The following HPR variants were observed in gnomAD, a reference collection of about 807,000 sequenced individuals.
HPR encodes Haptoglobin-related locus.
HPR carries 17 observed loss-of-function variants against 18.5 expected under a neutral mutation model. The observed-to-expected ratio is 0.92, with a 90% CI of 0.63 to 1.38. HPR has a LOEUF of 1.38. Among genes scored for constraint, HPR ranks in the 40% most tolerant of loss-of-function variants. The pLI is 0.00. For missense variants in HPR, 457 were observed against 432.4 expected, an observed-to-expected ratio of 1.06 and a Z score of -0.51; for synonymous variants, 176 against 165.0, an observed-to-expected ratio of 1.07 and a Z score of -0.51.
intron 3 of HPR, chr16:72,074,790 T>C: frequency 1.5e-6 from 1 of 659,790 alleles, no homozygotes; most frequent in African/African-American, 1.8e-5. Context: ...TAGAGGTTAT[T>C]ATTCTCACTT....
At chr16:72,076,023 A>G (rs536749248) in intron 4 of HPR, among the ~76,000 whole-genome samples, 28 of 152,100 alleles carry the variant, frequency 1.8e-4, no homozygotes, top group African/African-American at 6.3e-4. Context: ...TCCTTTGTTG[A>G]GATAATTGTT....
At chr16:72,064,423 C>T (rs1201577807) in intron 1 of HPR, among the ~76,000 whole-genome samples, 1 of 152,160 alleles carries the variant, frequency 6.6e-6, no homozygotes, top group African/African-American at 2.4e-5. Context: ...ATACAGCCCA[C>T]ATTCCACATC....
chr16:72,067,771 A>G (rs926249010), intron 1 of HPR, among the ~76,000 whole-genome samples: 1 of 152,100 alleles, frequency 6.6e-6, no homozygotes, highest in African/African-American at 2.4e-5. Context: ...TAACACCCCA[A>G]TACTGCCTGT....
At chr16:72,065,339 A>AG (rs1326248312) in intron 1 of HPR, among the ~76,000 whole-genome samples, 37 of 152,094 alleles carry the variant, frequency 2.4e-4, no homozygotes, top group African/African-American at 8.7e-4. Flanking sequence ...AGCTCCAGAC[A>AG]GATAAAAAAG....
In HPR at chr16:72,076,698, T is replaced by G. The variant is rs767927163; in HGVS notation, c.664T>G (p.Tyr222Asp). The change falls in exon 5 of 5, where the codon TAC (tyrosine) becomes GAC (aspartate). Residue 222 changes from tyrosine to aspartate, a missense_variant. Tyr to Asp is a radical substitution (Grantham distance 160). Coordinates refer to ENST00000540303, the MANE Select transcript of HPR (RefSeq NM_020995.4). ...TTATGCAGAAGTAGGGCGTGTGGGT[T>G]ACGTGTCTGGCTGGGGACAAAGTGA... is the stretch of plus-strand genomic sequence containing the variant. ...KNYAEVGRVG[Y>D]VSGWGQSDNF... 2 of 1,614,208 alleles carry G rather than the reference T, an allele frequency of 1.2e-6. No individual in the cohort carries two copies. The highest frequency in any genetic ancestry group is 3.3e-5 in the Admixed American group (2 of 60,010).
intron 1 of HPR, among the ~76,000 whole-genome samples, chr16:72,066,310 G>A (rs2041597045): frequency 6.6e-6 from 1 of 152,112 alleles, no homozygotes; most frequent in Non-Finnish European, 1.5e-5. Flanking sequence ...TTATACACTT[G>A]GGTCGAGCAA....
intron 1 of HPR, among the ~76,000 whole-genome samples, chr16:72,067,043 C>A (rs1415913077): frequency 6.6e-6 from 1 of 152,132 alleles, no homozygotes; most frequent in African/African-American, 2.4e-5. Context: ...AATCCCAAAA[C>A]TGAGAGAGGG....
rs576308961 is a variant in HPR, at chr16:72,066,263, A to G, written c.5+3003A>G. Among the ~76,000 whole-genome samples the G allele has an allele frequency of 2.2e-3, 339 of 152,172 alleles. 1 individual carries two copies. The highest frequency in any genetic ancestry group is 3.6e-3 in the Non-Finnish European group (244 of 68,028). On this transcript the variant is annotated intron_variant, in intron 1 of 4. Transcript: ENST00000540303. Reference sequence around the variant, plus strand: ...AGCCACTGCTAGATGACCCCTATGGAGTGGCAGATCAAGTTGATCAATTCT... The same window carrying G: ...AGCCACTGCTAGATGACCCCTATGGGGTGGCAGATCAAGTTGATCAATTCT...
At position 72,076,551 on chromosome 16, in the gene HPR, G is replaced by A. The variant is rs1335807670; in HGVS notation, c.517G>A (p.Val173Ile). 9 of 1,614,188 alleles carry A rather than the reference G, an allele frequency of 5.6e-6. No homozygotes were observed. Among genetic ancestry groups the A allele is most frequent in the Non-Finnish European group, 6.8e-6 (8 of 1,180,032 alleles). The change falls in exon 5 of 5, where the codon GTA becomes ATA. Residue 173 changes from valine to isoleucine, a missense_variant. Coordinates refer to ENST00000540303, the MANE Select transcript of HPR (RefSeq NM_020995.4). ...LTLYVGKKQLVEIEKVVLHPN... is the reference protein window; with the variant it reads ...LTLYVGKKQLIEIEKVVLHPN... ...ACTCTATGTGGGGAAAAAGCAGCTT[G>A]TAGAGATTGAGAAGGTGGTTCTACA... is the stretch of plus-strand genomic sequence containing the variant.
In HPR at chr16:72,076,573, T is replaced by C; in HGVS notation, c.539T>C (p.Leu180Pro). ...CTTGTAGAGATTGAGAAGGTGGTTC[T>C]ACACCCTAACTACCACCAGGTAGAT... ...KQLVEIEKVV[L>P]HPNYHQVDIG... The change falls in exon 5 of 5, where the codon CTA becomes CCA. Residue 180 changes from leucine to proline, a missense_variant. Transcript: ENST00000540303. The C allele has an allele frequency of 2.5e-6, 4 of 1,614,238 alleles. No individual in the cohort carries two copies. Among genetic ancestry groups the C allele is most frequent in the Non-Finnish European group, 3.4e-6 (4 of 1,180,038 alleles).
chr16:72,063,958 T>G (rs576213370), intron 1 of HPR, among the ~76,000 whole-genome samples: 2 of 152,136 alleles, frequency 1.3e-5, no homozygotes, highest in Admixed American at 6.5e-5. Flanking sequence ...GCCCGGATGA[T>G]CTCGATCTCT....
intron 4 of HPR, 32 bp from the exon 5 acceptor site, chr16:72,076,271 T>G (rs1366737568): frequency 1.2e-6 from 2 of 1,605,490 alleles, no homozygotes. Flanking sequence ...CTTGCACATT[T>G]CCACTCACGA....
chr16:72,073,826 G>C, intron 1 of HPR, 66 bp from the exon 2 acceptor site: 1 of 1,610,462 alleles, frequency 6.2e-7, no homozygotes, highest in Non-Finnish European at 8.5e-7. Context: ...CTGTGTGTGT[G>C]GATGCATGCA....
At chr16:72,065,013 G>C (rs535669271) in intron 1 of HPR, among the ~76,000 whole-genome samples, 1 of 152,338 alleles carries the variant, frequency 6.6e-6, no homozygotes, top group South Asian at 2.1e-4. Context: ...TGTCGCAGGA[G>C]TGACAAAGTA....
chr16:72,064,907 C>T (rs1168469546), intron 1 of HPR, among the ~76,000 whole-genome samples: 1 of 152,178 alleles, frequency 6.6e-6, no homozygotes, highest in African/African-American at 2.4e-5. Context: ...CCCACCTGGT[C>T]TGATGAATAA....
intron 1 of HPR, among the ~76,000 whole-genome samples, chr16:72,064,962 A>G (rs2041582388): frequency 6.6e-6 from 1 of 152,182 alleles, no homozygotes; most frequent in African/African-American, 2.4e-5. Flanking sequence ...TTGCAACACT[A>G]TGGTGGCCAG....
intron 3 of HPR, chr16:72,074,681 T>C: frequency 4.2e-6 from 3 of 707,250 alleles, no homozygotes; most frequent in Non-Finnish European, 2.6e-6. Flanking sequence ...GGAATGCTGA[T>C]GATGATGTCA....
At chr16:72,065,334 C>T (rs1282833487) in intron 1 of HPR, among the ~76,000 whole-genome samples, 14 of 151,918 alleles carry the variant, frequency 9.2e-5, no homozygotes, top group Non-Finnish European at 5.9e-5. Flanking sequence ...CAGAAAGCTC[C>T]AGACAGATAA....
At chr16:72,066,016 A>G (rs565842664) in intron 1 of HPR, among the ~76,000 whole-genome samples, 13 of 152,290 alleles carry the variant, frequency 8.5e-5, no homozygotes, top group African/African-American at 3.1e-4. Flanking sequence ...TCGTCCCAAG[A>G]GCCTGTTCAT....
Sources: allele counts gnomAD v4.1 joint callset (sites outside exome capture counted in the v4.1 genomes callset), GRCh38; gene constraint gnomAD v4.1.1; transcripts MANE v1.5; gene names NCBI Gene and HGNC (gene_info 2026-07-23, HGNC 2026-07-21).